The following CYP4V2 variants were observed in gnomAD, a reference collection of about 807,000 sequenced individuals.
CYP4V2 encodes cytochrome P450 4V2.
In CYP4V2, 55 loss-of-function variants were observed where a neutral mutation model predicts 60.8. That is an observed-to-expected ratio of 0.90 (90% confidence interval 0.73 to 1.13). CYP4V2 has a LOEUF of 1.13. Among genes scored for constraint, CYP4V2 ranks in the 50% most tolerant of loss-of-function variants. The pLI, the probability that CYP4V2 is intolerant of heterozygous loss-of-function variation, is 0.00. For synonymous variants in CYP4V2, 239 were observed against 236.8 expected (o/e 1.01, Z -0.08); for missense variants, 675 against 662.9 (o/e 1.02, Z -0.20).
At position 186,195,879 on chromosome 4, in the gene CYP4V2, C is replaced by T. The variant is rs745983879; in HGVS notation, c.328-124C>T. ...TTTGAGGCACAGGACTGAAAATGAA[C>T]GACGGAGAAAATAAATGTTGTGAAT... On this transcript the variant is annotated intron_variant, in intron 2 of 10. Transcript: ENST00000378802. The surrounding 1 kb of genome is among the most constrained non-coding windows in gnomAD (Gnocchi z 4.1). 34 of 727,626 alleles carry T rather than the reference C, an allele frequency of 4.7e-5. No homozygotes were observed. Among genetic ancestry groups the T allele is most frequent in the Non-Finnish European group, 7.0e-5 (29 of 414,962 alleles). 45.1% of individuals were successfully genotyped at this position (727,626 alleles called of 1,614,324 possible).
At chr4:186,192,415 G>A (rs1736019240) in intron 1 of CYP4V2, 1 of 389,340 alleles carries the variant, frequency 2.6e-6, no homozygotes, top group Non-Finnish European at 4.9e-6. Flanking sequence ...ACACCTTAAC[G>A]CCCAGAGCCG....
chr4:186,194,516 C>A lies in CYP4V2; in HGVS notation c.231C>A (p.Ile77=), dbSNP rs1561430797. Residue 77 remains isoleucine, a synonymous_variant, in exon 2 of 11, where the codon ATC becomes ATA. Coordinates refer to ENST00000378802, the MANE Select transcript of CYP4V2 (RefSeq NM_207352.4). ...TTTCCCCAGAATTTTTTCAGCAGAT[C>A]ATTGAGTACACAGAGGAATACCGCC... ...KPDGREFFQQ[I]IEYTEEYRHM... is the part of the protein sequence containing the mutation. 6.2e-7 allele frequency: 1 copy of A among 1,613,920 alleles called. No individual in the cohort carries two copies. The highest frequency in any genetic ancestry group is 8.5e-7 in the Non-Finnish European group (1 of 1,179,960).
chr4:186,210,473 A>G lies in CYP4V2; in HGVS notation c.1410A>G (p.Gln470=), dbSNP rs761359540. 7.4e-6 allele frequency: 12 copies of G among 1,614,050 alleles called. No individual in the cohort carries two copies. Among genetic ancestry groups the G allele is most frequent in the Middle Eastern group, 1.6e-4 (1 of 6,084 alleles). Reference sequence around the variant, plus strand: ...GGTATCTACATTAATTTGAAGGTCAAAAGTTTGCTGTGATGGAAGAAAAGA... The same window carrying G: ...GGTATCTACATTAATTTGAAGGTCAGAAGTTTGCTGTGATGGAAGAAAAGA... ...FSAGPRNCIG[Q]KFAVMEEKTI... Residue 470 remains glutamine, a synonymous_variant, in exon 11 of 11, where the codon CAA becomes CAG. Transcript: ENST00000378802.
intron 6 of CYP4V2, 72 bp from the exon 7 acceptor site, chr4:186,201,085 A>G (rs1736291148): frequency 2.8e-6 from 4 of 1,437,658 alleles, no homozygotes; most frequent in Non-Finnish European, 3.9e-6. Flanking sequence ...AGCATATTTT[A>G]TAAGAAAATG....
At chr4:186,203,523 T>G (rs1248219963) in intron 7 of CYP4V2, 1 of 152,354 alleles carries the variant, frequency 6.6e-6, no homozygotes, top group East Asian at 1.9e-4. Context: ...CGTCCTCCCC[T>G]GCTCCACCAG....
chr4:186,191,719 G>T lies in CYP4V2; in HGVS notation c.-105G>T, dbSNP rs2126578108. On this transcript the variant is annotated 5_prime_UTR_variant, in exon 1 of 11. The change creates a new upstream start codon in the 5' untranslated region. Coordinates refer to ENST00000378802, the MANE Select transcript of CYP4V2 (RefSeq NM_207352.4). ...CGACCCCGCAGCGGGGAGCGCGCCA[G>T]GTCCGCGCGGGGAAGTGGGCGGTGT... The T allele has an allele frequency of 8.9e-7, 1 of 1,117,916 alleles. No homozygotes were observed. Among genetic ancestry groups the T allele is most frequent in the Non-Finnish European group, 1.1e-6 (1 of 873,240 alleles). The allele number at this position is 1,117,916 out of a possible 1,614,324, so 69.2% of individuals were successfully genotyped here. A position where few individuals can be genotyped will look rare whatever the true frequency, so the allele number is the denominator to read the frequency against.
Position 186,195,549 on chromosome 4 carries a change from C to T in CYP4V2, c.328-454C>T, listed in dbSNP as rs1048020234. Among the ~76,000 whole-genome samples, 4 of 152,196 alleles carry T rather than the reference C, an allele frequency of 2.6e-5. No homozygotes were observed. The highest frequency in any genetic ancestry group is 5.9e-5 in the Non-Finnish European group (4 of 68,034). On this transcript the variant is annotated intron_variant, in intron 2 of 10. Coordinates refer to ENST00000378802, the MANE Select transcript of CYP4V2 (RefSeq NM_207352.4). The surrounding 1 kb of genome is among the most constrained non-coding windows in gnomAD (Gnocchi z 4.1). The stretch of plus-strand genomic sequence containing the variant: ...GCCTCTATGCTGGGGACACTCCGAA[C>T]AGGCATCTCCAGCTCAGGCCTTATC...
chr4:186,209,779 G>A (rs1579977564), intron 10 of CYP4V2, among the ~76,000 whole-genome samples: 2 of 151,896 alleles, frequency 1.3e-5, no homozygotes, highest in Admixed American at 1.3e-4. Context: ...TCTAAGGTAT[G>A]GGGGGGGCTT....
Position 186,191,978 on chromosome 4 carries a change from C to CGGTGGCCCGCGCCTACCCACT in CYP4V2, c.161_181dup (p.Ala54_Val60dup). On this transcript the variant is annotated inframe_insertion, in exon 1 of 11. Transcript: ENST00000378802. ...TGGCAGCAGATGCGGCCCATCCCCA[C>CGGTGGCCCGCGCCTACCCACT]GGTGGCCCGCGCCTACCCACTGGTG... 1.3e-6 allele frequency: 2 copies of CGGTGGCCCGCGCCTACCCACT among 1,584,910 alleles called. No homozygotes were observed. The highest frequency in any genetic ancestry group is 1.7e-6 in the Non-Finnish European group (2 of 1,169,998).
chr4:186,210,241 C>CAGCTGG (rs1561439044), intron 10 of CYP4V2, among the ~76,000 whole-genome samples: 1 of 152,176 alleles, frequency 6.6e-6, no homozygotes, highest in East Asian at 1.9e-4. Flanking sequence ...TTATCTGGAT[C>CAGCTGG]AGCTGGAGTA....
chr4:186,210,258 C>A (rs1310255297), intron 10 of CYP4V2, among the ~76,000 whole-genome samples: 1 of 152,162 alleles, frequency 6.6e-6, no homozygotes, highest in Non-Finnish European at 1.5e-5. Flanking sequence ...AGTACAAATT[C>A]TCTGATCCTC....
chr4:186,192,046 C>G lies in CYP4V2; in HGVS notation c.214+9C>G, dbSNP rs768506789. 7 of 1,564,068 alleles carry G rather than the reference C, an allele frequency of 4.5e-6. No individual in the cohort carries two copies. In the South Asian group the frequency reaches 7.0e-5, roughly 16 times the overall value. ...GAAGCCGGACGGGCGAGGTAAGGGCCGGCGCTCCTCCTGGAGCGCAACGGG... is the reference window on the plus strand; with the variant it reads ...GAAGCCGGACGGGCGAGGTAAGGGCGGGCGCTCCTCCTGGAGCGCAACGGG... On this transcript the variant is annotated intron_variant, in intron 1 of 10. Coordinates refer to ENST00000378802, the MANE Select transcript of CYP4V2 (RefSeq NM_207352.4).
chr4:186,192,535 C>T (rs963845438), intron 1 of CYP4V2, among the ~76,000 whole-genome samples: 2 of 152,228 alleles, frequency 1.3e-5, no homozygotes, highest in African/African-American at 4.8e-5. Context: ...GACCTTCATA[C>T]TTTAGCCCTT....
rs1304803543 is a variant in CYP4V2, at chr4:186,209,228, C to T, written c.1361C>T (p.Pro454Leu). The stretch of plus-strand genomic sequence containing the variant: ...CCCGAGAATGCACAAGGGCGCCATC[C>T]ATATGCCTACGTGCCCTTCTCTGCT... ...FFPENAQGRH[P>L]YAYVPFSAGP... is the part of the protein sequence containing the mutation. Residue 454 changes from proline (P) to leucine (L), a missense_variant, in exon 10 of 11, where the codon CCA becomes CTA. Pro to Leu is a moderately conservative substitution (Grantham distance 98). Transcript: ENST00000378802. 4.3e-6 allele frequency: 7 copies of T among 1,613,910 alleles called. No homozygotes were observed. The highest frequency in any genetic ancestry group is 1.7e-5 in the Admixed American group (1 of 59,986).
chr4:186,204,897 T>C, intron 7 of CYP4V2: 1 of 432,104 alleles, frequency 2.3e-6, no homozygotes, highest in Non-Finnish European at 4.3e-6. Flanking sequence ...CTTTGTTCTG[T>C]TCACAAAGGC....
At position 186,196,788 on chromosome 4, in the gene CYP4V2, C is replaced by T. The variant is rs539804884; in HGVS notation, c.414-152C>T. ...ATATGTGTATATCTTTGTCATTCTG[C>T]CAAAAGCATTTGAGAACCTGTAGAT... On this transcript the variant is annotated intron_variant, in intron 3 of 10. Coordinates refer to ENST00000378802, the MANE Select transcript of CYP4V2 (RefSeq NM_207352.4). 9.2e-5 allele frequency: 63 copies of T among 687,556 alleles called. 2 individuals carry two copies. The East Asian group carries it at 1.7e-3, about 18-fold the overall frequency. The allele number at this position is 687,556 out of a possible 1,614,324, so 42.6% of individuals were successfully genotyped here.
intron 8 of CYP4V2, 93 bp from the exon 9 acceptor site, chr4:186,208,772 A>G: frequency 1.3e-6 from 2 of 1,564,324 alleles, no homozygotes; most frequent in Non-Finnish European, 1.8e-6. Flanking sequence ...GGTATTTAGC[A>G]TGCCATGCCT....
intron 3 of CYP4V2, chr4:186,196,714 C>T: frequency 3.7e-6 from 2 of 533,758 alleles, no homozygotes; most frequent in Non-Finnish European, 6.6e-6. Flanking sequence ...ATGTATAGAA[C>T]AATGTCCAAA....
chr4:186,209,602 C>T (rs1736644706), intron 10 of CYP4V2, among the ~76,000 whole-genome samples: 2 of 152,118 alleles, frequency 1.3e-5, no homozygotes, highest in Admixed American at 6.6e-5. Flanking sequence ...GGCCTCTCTC[C>T]GTGGCTTGTA....
Sources: gnomAD v4.1 joint callset for allele counts (sites outside exome capture counted in the v4.1 genomes callset) on GRCh38, gnomAD v4.1.1 for gene constraint, Gnocchi (gnomAD v3.1) non-coding constraint, MANE v1.5 for transcripts, NCBI Gene and HGNC (gene_info 2026-07-23, HGNC 2026-07-21) for gene names.